NETO1: variants seen among roughly 807,000 people sequenced by gnomAD.
NETO1 encodes the protein neuropilin and tolloid-like protein 1.
A neutral mutation model predicts 61.3 loss-of-function variants in NETO1; 26 were observed. The ratio of observed to expected loss-of-function variants is 0.42; its 90% CI spans 0.31 to 0.59. NETO1 has a LOEUF of 0.59. Among genes scored for constraint, NETO1 ranks in the 20% least tolerant of loss-of-function variants. NETO1 has a pLI of 0.12. For missense variants in NETO1, 531 were observed against 662.8 expected (o/e 0.80, Z 2.18); for synonymous variants, 225 against 225.8 (o/e 1.00, Z 0.03).
Position 72,867,434 on chromosome 18 carries a change from C to G in NETO1, c.-143G>C, listed in dbSNP as rs1309051093. The G allele has an allele frequency of 2.0e-6, 1 of 496,246 alleles. No homozygotes were observed. Among genetic ancestry groups the G allele is most frequent in the Non-Finnish European group, 3.4e-6 (1 of 291,220 alleles). 30.7% of individuals were successfully genotyped at this position (496,246 alleles called of 1,614,324 possible). ...AATAAAGGGGGGCCGAGAGGGAGAC[C>G]GAGAGGAAGGGGGAGCTCCGAGCCC... On this transcript the variant is annotated 5_prime_UTR_variant, in exon 1 of 11. Transcript: ENST00000327305.
intron 4 of NETO1, among the ~76,000 whole-genome samples, chr18:72,809,599 A>T (rs980982103): frequency 6.6e-6 from 1 of 152,256 alleles, no homozygotes; most frequent in African/African-American, 2.4e-5. Flanking sequence ...AACCTCTTCG[A>T]TACATGAATA....
intron 4 of NETO1, among the ~76,000 whole-genome samples, chr18:72,796,643 A>T (rs1162902329): frequency 2.0e-5 from 3 of 151,974 alleles, no homozygotes; most frequent in Non-Finnish European, 4.4e-5. Flanking sequence ...TGCCCAGCTA[A>T]TTTTTTGTAC....
chr18:72,749,721 A>G (rs919341971), intron 9 of NETO1, among the ~76,000 whole-genome samples: 2 of 152,268 alleles, frequency 1.3e-5, no homozygotes, highest in South Asian at 2.1e-4. Flanking sequence ...GATGGGAGCA[A>G]TGGTCACATG....
chr18:72,761,816 T>C (rs2070983422), intron 7 of NETO1, among the ~76,000 whole-genome samples: 1 of 152,178 alleles, frequency 6.6e-6, no homozygotes. Context: ...TTTATTCAAA[T>C]ACTTTATAAT....
chr18:72,779,224 C>A (rs996171979), intron 7 of NETO1, among the ~76,000 whole-genome samples: 1 of 151,672 alleles, frequency 6.6e-6, no homozygotes, highest in Non-Finnish European at 1.5e-5. Context: ...ACTATATATA[C>A]ATCTATAAGG....
chr18:72,783,577 C>G (rs2071814393), intron 7 of NETO1, 101 bp downstream of exon 7: 1 of 927,402 alleles, frequency 1.1e-6, no homozygotes, highest in Non-Finnish European at 1.7e-6. Context: ...AGAGAATAGC[C>G]TGCTGTGCTC....
chr18:72,852,601 G>A (rs1170152552), intron 4 of NETO1, among the ~76,000 whole-genome samples: 1 of 152,010 alleles, frequency 6.6e-6, no homozygotes, highest in East Asian at 1.9e-4. Context: ...ACAGATGGGA[G>A]CTAATCCTGG....
At chr18:72,794,536 AG>A in intron 4 of NETO1, 132 bp from the exon 5 acceptor site, 1 of 774,880 alleles carries the variant, frequency 1.3e-6, no homozygotes, top group Non-Finnish European at 2.1e-6. Flanking sequence ...AAAACACATT[AG>A]GGAAAAGTAA....
intron 4 of NETO1, chr18:72,835,243 C>A (rs1008375382): frequency 1.3e-5 from 20 of 1,526,672 alleles, no homozygotes; most frequent in Non-Finnish European, 1.7e-5. Context: ...GGCACCACAG[C>A]ATCCAGAGAT....
At chr18:72,858,734 G>C in intron 4 of NETO1, 92 bp downstream of exon 4, 1 of 1,229,930 alleles carries the variant, frequency 8.1e-7, no homozygotes, top group East Asian at 2.4e-5. Context: ...CATTCTCTGA[G>C]AAAGTATAAT....
chr18:72,863,384 C>T (rs1385677305), intron 3 of NETO1, among the ~76,000 whole-genome samples: 2 of 152,174 alleles, frequency 1.3e-5, no homozygotes, highest in African/African-American at 2.4e-5. Flanking sequence ...GCTTCCCCGT[C>T]GCAACTACTT....
intron 4 of NETO1, among the ~76,000 whole-genome samples, chr18:72,850,496 G>C (rs969552827): frequency 6.6e-6 from 1 of 152,148 alleles, no homozygotes; most frequent in African/African-American, 2.4e-5. Context: ...GCCTCAAATT[G>C]TCTGCAAATT....
intron 4 of NETO1, among the ~76,000 whole-genome samples, chr18:72,803,834 AAAG>A (rs1327111868): frequency 1.3e-5 from 2 of 152,028 alleles, no homozygotes; most frequent in Non-Finnish European, 2.9e-5. Context: ...AAAAAAAAAA[AAAG>A]ATACTCTTTC....
intron 7 of NETO1, among the ~76,000 whole-genome samples, chr18:72,764,907 T>C (rs1350252355): frequency 6.6e-6 from 1 of 152,126 alleles, no homozygotes; most frequent in Non-Finnish European, 1.5e-5. Context: ...CTTGCATGGC[T>C]CTATCTCAAT....
At chr18:72,748,762 G>T (rs1203543568) in intron 10 of NETO1, among the ~76,000 whole-genome samples, 1 of 151,810 alleles carries the variant, frequency 6.6e-6, no homozygotes, top group Admixed American at 6.6e-5. Flanking sequence ...TTATTAATTT[G>T]ACGTCCTTCT....
chr18:72,857,465 T>C (rs1160613860), intron 4 of NETO1, among the ~76,000 whole-genome samples: 1 of 152,224 alleles, frequency 6.6e-6, no homozygotes, highest in Non-Finnish European at 1.5e-5. Context: ...CTACATTCTT[T>C]GTGAAACCAC....
chr18:72,774,047 A>G (rs2071464626), intron 7 of NETO1, among the ~76,000 whole-genome samples: 1 of 152,186 alleles, frequency 6.6e-6, no homozygotes, highest in Non-Finnish European at 1.5e-5. Context: ...AAATTATTGT[A>G]AATAAATTCC....
At chr18:72,772,821 C>CTATA (rs2071412980) in intron 7 of NETO1, among the ~76,000 whole-genome samples, 5 of 50,710 alleles carry the variant, frequency 9.9e-5, no homozygotes, top group South Asian at 9.9e-4. Flanking sequence ...CTCTCTCTCT[C>CTATA]TCTCTATATA....
chr18:72,856,138 A>G (rs2074405144), intron 4 of NETO1, among the ~76,000 whole-genome samples: 1 of 152,208 alleles, frequency 6.6e-6, no homozygotes, highest in African/African-American at 2.4e-5. Context: ...ATGTGTTTAC[A>G]TAAAGTTTCT....
Sources: gnomAD v4.1 joint callset for allele counts (sites outside exome capture counted in the v4.1 genomes callset) on GRCh38, gnomAD v4.1.1 for gene constraint, MANE v1.5 for transcripts, NCBI Gene and HGNC (gene_info 2026-07-23, HGNC 2026-07-21) for gene names.